Variants in KRTAP13-2 observed in about 807,000 individuals in gnomAD.
KRTAP13-2 encodes keratin-associated protein 13-2.
For synonymous variants in KRTAP13-2, 92 were observed against 87.4 expected (o/e 1.05, Z -0.30); for missense variants, 231 against 212.4 (o/e 1.09, Z -0.55).
Position 30,371,825 on chromosome 21 carries a change from A to G in KRTAP13-2, c.389T>C (p.Leu130Pro). The change falls in exon 1 of 1, where the codon CTG becomes CCG. Residue 130 changes from leucine to proline, a missense_variant. By Grantham distance (98) the Leu-to-Pro change is moderately conservative. Coordinates refer to ENST00000399889, the MANE Select transcript of KRTAP13-2 (RefSeq NM_181621.4). ...VGCGSSGVRSLGYGSCGFPSL... is the reference protein window; with the variant it reads ...VGCGSSGVRSPGYGSCGFPSL... ...AGGGAAGCCACAGCTTCCATAACCC[A>G]GGGATCTGACACCACTGGACCCACA... 6.2e-7 allele frequency: 1 copy of G among 1,614,128 alleles called. No homozygotes were observed. Among genetic ancestry groups the G allele is most frequent in the Non-Finnish European group, 8.5e-7 (1 of 1,179,964 alleles).
Position 30,372,194 on chromosome 21 carries a change from G to C in KRTAP13-2, c.20C>G (p.Ser7Cys), listed in dbSNP as rs143324515. 5.6e-4 allele frequency: 903 copies of C among 1,613,476 alleles called. 10 individuals carry two copies. The African/African-American group carries it at 0.011, about 19-fold the overall frequency. ...ACAGGAGCGGGAGGAGAAGTTTCCA[G>C]AGCAGCAGTTGTAGGACATGTTGAC... MSYNCC[S>C]GNFSSRSCGD... The change falls in exon 1 of 1, where the codon TCT (serine) becomes TGT (cysteine). Residue 7 changes from serine to cysteine, a missense_variant. Coordinates refer to ENST00000399889, the MANE Select transcript of KRTAP13-2 (RefSeq NM_181621.4).
rs1330159352 is a variant in KRTAP13-2, at chr21:30,371,831, C to T, written c.383G>A (p.Arg128Lys). The change falls in exon 1 of 1, where the codon AGA (arginine) becomes AAA (lysine). Residue 128 changes from arginine (R) to lysine (K), a missense_variant. Coordinates refer to ENST00000399889, the MANE Select transcript of KRTAP13-2 (RefSeq NM_181621.4). ...GCCACAGCTTCCATAACCCAGGGAT[C>T]TGACACCACTGGACCCACAGCCCAC... is the stretch of plus-strand genomic sequence containing the variant. ...YSVGCGSSGV[R>K]SLGYGSCGFP... The T allele has an allele frequency of 1.8e-5, 29 of 1,614,004 alleles. No individual in the cohort carries two copies. The highest frequency in any genetic ancestry group is 1.9e-5 in the Non-Finnish European group (22 of 1,179,986).
In KRTAP13-2 at chr21:30,372,056, T is replaced by C. The variant is rs1412441821; in HGVS notation, c.158A>G (p.Tyr53Cys). 6 of 1,614,042 alleles carry C rather than the reference T, an allele frequency of 3.7e-6. No individual in the cohort carries two copies. Among genetic ancestry groups the C allele is most frequent in the African/African-American group, 1.3e-5 (1 of 74,998 alleles). Residue 53 changes from tyrosine to cysteine, a missense_variant, in exon 1 of 1, where the codon TAT becomes TGT. By Grantham distance (194) the Tyr-to-Cys change is radical. Transcript: ENST00000399889. ...PSTCQLGSSLYRGCQEICWEP... is the reference protein window; with the variant it reads ...PSTCQLGSSLCRGCQEICWEP... ...CCAGCAGATCTCCTGACAGCCCCTA[T>C]AGAGAGAGGAACCCAGCTGGCAGGT...
Position 30,371,535 on chromosome 21 carries a change from G to T in KRTAP13-2, c.*151C>A, listed in dbSNP as rs1210173346. The T allele has an allele frequency of 2.8e-6, 2 of 723,782 alleles. No homozygotes were observed. Among genetic ancestry groups the T allele is most frequent in the Admixed American group, 5.8e-5 (2 of 34,316 alleles). The allele number at this position is 723,782 out of a possible 1,614,324, so 44.8% of individuals were successfully genotyped here. A position where few individuals can be genotyped will look rare whatever the true frequency, so the allele number is the denominator to read the frequency against. The stretch of plus-strand genomic sequence containing the variant: ...ATTTTGCTCATTCATTAATTTCACA[G>T]TCTGAAAGAACTAGCCTGTCCAGCC... On this transcript the variant is annotated 3_prime_UTR_variant, in exon 1 of 1. Coordinates refer to ENST00000399889, the MANE Select transcript of KRTAP13-2 (RefSeq NM_181621.4).
In KRTAP13-2 at chr21:30,372,268, G is replaced by A; in HGVS notation, c.-55C>T. 1 of 1,563,870 alleles carries A rather than the reference G, an allele frequency of 6.4e-7. No homozygotes were observed. Among genetic ancestry groups the A allele is most frequent in the Non-Finnish European group, 8.7e-7 (1 of 1,151,244 alleles). ...TATAGTGGAAAGATTCTCTGAGTTT[G>A]AATGTCATAGTCTGGACTCCAAGTT... On this transcript the variant is annotated 5_prime_UTR_variant, in exon 1 of 1. Coordinates refer to ENST00000399889, the MANE Select transcript of KRTAP13-2 (RefSeq NM_181621.4).
chr21:30,371,986 G>T, the KRTAP13-2 span: 2 of 1,614,010 alleles, frequency 1.2e-6, no homozygotes, highest in Admixed American at 3.3e-5. Context: ...AGGAGGTCTG[G>T]CAGGGGCTGG....
chr21:30,371,555 C>T lies in KRTAP13-2; in HGVS notation c.*131G>A. ...TCACAGTCTGAAAGAACTAGCCTGT[C>T]CAGCCAGTACTTGATGCCAGAGAAA... is the stretch of plus-strand genomic sequence containing the variant. On this transcript the variant is annotated 3_prime_UTR_variant, in exon 1 of 1. Transcript: ENST00000399889. 1.1e-6 allele frequency: 1 copy of T among 869,720 alleles called. No homozygotes were observed. Among genetic ancestry groups the T allele is most frequent in the South Asian group, 1.8e-5 (1 of 56,816 alleles). 53.9% of individuals were successfully genotyped at this position (869,720 alleles called of 1,614,324 possible).
rs767323152 is a variant in KRTAP13-2 at position 30,372,197 on chromosome 21, C to T, written c.17G>A (p.Cys6Tyr). The T allele has an allele frequency of 2.5e-6, 4 of 1,613,132 alleles. No individual in the cohort carries two copies. In the Admixed American group the frequency reaches 5.0e-5, roughly 20 times the overall value. MSYNCCSGNFSSRSCG... is the reference protein window; with the variant it reads MSYNCYSGNFSSRSCG... ...GGAGCGGGAGGAGAAGTTTCCAGAGCAGCAGTTGTAGGACATGTTGACGGG... is the reference window on the plus strand; with the variant it reads ...GGAGCGGGAGGAGAAGTTTCCAGAGTAGCAGTTGTAGGACATGTTGACGGG... Residue 6 changes from cysteine to tyrosine, a missense_variant, in exon 1 of 1, where the codon TGC becomes TAC. Physicochemically the swap from Cys to Tyr is radical, Grantham distance 194. Coordinates refer to ENST00000399889, the MANE Select transcript of KRTAP13-2 (RefSeq NM_181621.4).
rs372468472 is a variant in KRTAP13-2, at chr21:30,371,647, C to G, written c.*39G>C. 1 of 1,585,928 alleles carries G rather than the reference C, an allele frequency of 6.3e-7. No individual in the cohort carries two copies. Among genetic ancestry groups the G allele is most frequent in the South Asian group, 1.2e-5 (1 of 86,362 alleles). On this transcript the variant is annotated 3_prime_UTR_variant, in exon 1 of 1. Transcript: ENST00000399889. ...GGAAATGCCTATGATAACAGCTCTACGTAGAGACTGAGACACTTTGCTTAA... is the reference window on the plus strand; with the variant it reads ...GGAAATGCCTATGATAACAGCTCTAGGTAGAGACTGAGACACTTTGCTTAA...
rs1982923106 is a variant in KRTAP13-2 at position 30,372,135 on chromosome 21, C to A, written c.79G>T (p.Gly27Cys). Residue 27 changes from glycine (G) to cysteine (C), a missense_variant, in exon 1 of 1, where the codon GGC becomes TGC. By Grantham distance (159) the Gly-to-Cys change is radical. Coordinates refer to ENST00000399889, the MANE Select transcript of KRTAP13-2 (RefSeq NM_181621.4). The part of the protein sequence containing the change: ...DYLRYPASSR[G>C]FSYPSNLVYS... ...ACCAGATTGCTGGGGTAGGAAAAGCCACGTGAGGATGCTGGGTAGCGCAGG... is the reference window on the plus strand; with the variant it reads ...ACCAGATTGCTGGGGTAGGAAAAGCAACGTGAGGATGCTGGGTAGCGCAGG... The A allele has an allele frequency of 6.2e-7, 1 of 1,614,114 alleles. No homozygotes were observed. Among genetic ancestry groups the A allele is most frequent in the Non-Finnish European group, 8.5e-7 (1 of 1,180,012 alleles).
At position 30,372,171 on chromosome 21, in the gene KRTAP13-2, A is replaced by G. The variant is rs747976340; in HGVS notation, c.43T>C (p.Cys15Arg). 1.9e-5 allele frequency: 31 copies of G among 1,613,868 alleles called. No homozygotes were observed. The highest frequency in any genetic ancestry group is 2.5e-5 in the Non-Finnish European group (30 of 1,179,900). ...CCSGNFSSRS[C>R]GDYLRYPASS... ...GCTGGGTAGCGCAGGTAGTCACCAC[A>G]GGAGCGGGAGGAGAAGTTTCCAGAG... The change falls in exon 1 of 1, where the codon TGT (cysteine) becomes CGT (arginine). Residue 15 changes from cysteine to arginine, a missense_variant. Coordinates refer to ENST00000399889, the MANE Select transcript of KRTAP13-2 (RefSeq NM_181621.4).
Position 30,371,887 on chromosome 21 carries a change from G to C in KRTAP13-2, c.327C>G (p.Ser109=). Residue 109 remains serine, a synonymous_variant, in exon 1 of 1, where the codon TCC becomes TCG. Transcript: ENST00000399889. ...SLGFGSSSCR[S]LGYGSRSCYS... ...AGCAGCTCCTCGATCCATAGCCCAG[G>C]GAGCGGCAGCTGCTGGATCCAAAGC... is the stretch of plus-strand genomic sequence containing the variant. 1 of 1,614,150 alleles carries C rather than the reference G, an allele frequency of 6.2e-7. No individual in the cohort carries two copies. The highest frequency in any genetic ancestry group is 2.2e-5 in the East Asian group (1 of 44,882).
chr21:30,371,932 C>T lies in KRTAP13-2; in HGVS notation c.282G>A (p.Thr94=), dbSNP rs1486045736. The change falls in exon 1 of 1, where the codon ACG becomes ACA. Residue 94 remains threonine, a synonymous_variant. Transcript: ENST00000399889. ...RTSLLCSPCK[T]TYSGSLGFGS... ...CAAAGCCTAGAGACCCAGAGTAAGT[C>T]GTCTTGCAAGGACTGCAGAGCAAGG... is the stretch of plus-strand genomic sequence containing the variant. 6 of 1,614,044 alleles carry T rather than the reference C, an allele frequency of 3.7e-6. No homozygotes were observed. Among genetic ancestry groups the T allele is most frequent in the East Asian group, 4.5e-5 (2 of 44,894 alleles).
rs778482431 is a variant in KRTAP13-2 at position 30,371,994 on chromosome 21, T to C, written c.220A>G (p.Ser74Gly). 1 of 1,614,050 alleles carries C rather than the reference T, an allele frequency of 6.2e-7. No homozygotes were observed. The highest frequency in any genetic ancestry group is 1.1e-5 in the South Asian group (1 of 91,072). ...TSCQTSYVESSPCQTSCYRPR... is the reference protein window; with the variant it reads ...TSCQTSYVESGPCQTSCYRPR... Reference sequence around the variant, plus strand: ...CGGTAGCAGGAGGTCTGGCAGGGGCTGGACTCCACATAGGACGTCTGGCAG... The same window carrying C: ...CGGTAGCAGGAGGTCTGGCAGGGGCCGGACTCCACATAGGACGTCTGGCAG... Residue 74 changes from serine (S) to glycine (G), a missense_variant, in exon 1 of 1, where the codon AGC becomes GGC. Transcript: ENST00000399889.
chr21:30,372,114 G>T lies in KRTAP13-2; in HGVS notation c.100C>A (p.Leu34Met). ...GAGCAGAGGTCAGTGCTGTAGACCA[G>T]ATTGCTGGGGTAGGAAAAGCCACGT... Reference protein sequence around the residue: ...SSRGFSYPSNLVYSTDLCSPS... With the variant: ...SSRGFSYPSNMVYSTDLCSPS... The change falls in exon 1 of 1, where the codon CTG (leucine) becomes ATG (methionine). Residue 34 changes from leucine (L) to methionine (M), a missense_variant. By Grantham distance (15) the Leu-to-Met change is conservative. Coordinates refer to ENST00000399889, the MANE Select transcript of KRTAP13-2 (RefSeq NM_181621.4). 1.2e-6 allele frequency: 2 copies of T among 1,614,200 alleles called. No homozygotes were observed. Among genetic ancestry groups the T allele is most frequent in the Non-Finnish European group, 1.7e-6 (2 of 1,180,040 alleles).
Position 30,371,416 on chromosome 21 carries a change from T to C in KRTAP13-2, c.*270A>G, listed in dbSNP as rs544865267. The C allele has an allele frequency of 2.7e-6, 1 of 363,978 alleles. No homozygotes were observed. Among genetic ancestry groups the C allele is most frequent in the South Asian group, 4.7e-5 (1 of 21,070 alleles). The allele number at this position is 363,978 out of a possible 1,614,324, so 22.5% of individuals were successfully genotyped here. ...TGGAATCAACAGTAAATGAATTTAT[T>C]ACGTGAAACAAAACTGAACTTCCAT... is the stretch of plus-strand genomic sequence containing the variant. On this transcript the variant is annotated 3_prime_UTR_variant, in exon 1 of 1. Coordinates refer to ENST00000399889, the MANE Select transcript of KRTAP13-2 (RefSeq NM_181621.4).
rs1259030476 is a variant in KRTAP13-2 at position 30,371,987 on chromosome 21, C to A, written c.227G>T (p.Cys76Phe). Residue 76 changes from cysteine (C) to phenylalanine (F), a missense_variant, in exon 1 of 1, where the codon TGC (cysteine) becomes TTC (phenylalanine). Coordinates refer to ENST00000399889, the MANE Select transcript of KRTAP13-2 (RefSeq NM_181621.4). Reference sequence around the variant, plus strand: ...TCTGGGGCGGTAGCAGGAGGTCTGGCAGGGGCTGGACTCCACATAGGACGT... The same window carrying A: ...TCTGGGGCGGTAGCAGGAGGTCTGGAAGGGGCTGGACTCCACATAGGACGT... The part of the protein sequence containing the change: ...CQTSYVESSP[C>F]QTSCYRPRTS... 3.7e-6 allele frequency: 6 copies of A among 1,613,996 alleles called. No individual in the cohort carries two copies. The East Asian group carries it at 1.3e-4, about 36-fold the overall frequency.
At chr21:30,371,807 CCACA>C in the KRTAP13-2 span, 4 of 1,614,060 alleles carry the variant, frequency 2.5e-6, no homozygotes, top group Admixed American at 3.3e-5. Flanking sequence ...GGAAGGGAAG[CCACA>C]GCTTCCATAA....
rs983353845 is a variant in KRTAP13-2, at chr21:30,371,785, T to G, written c.429A>C (p.Gly143=). 6.2e-7 allele frequency: 1 copy of G among 1,613,834 alleles called. No individual in the cohort carries two copies. Among genetic ancestry groups the G allele is most frequent in the African/African-American group, 1.3e-5 (1 of 74,882 alleles). The change falls in exon 1 of 1, where the codon GGA becomes GGC. Residue 143 remains glycine (G), a synonymous_variant. Coordinates refer to ENST00000399889, the MANE Select transcript of KRTAP13-2 (RefSeq NM_181621.4). ...GSCGFPSLGY[G]SGFCRPTYLA... is the part of the protein sequence containing the mutation. The stretch of plus-strand genomic sequence containing the variant: ...AGTAGGTTGGGCGGCAGAATCCAGA[T>G]CCATAGCCGAGGGAAGGGAAGCCAC...
Sources: allele counts gnomAD v4.1 joint callset, GRCh38; gene constraint gnomAD v4.1.1; transcripts MANE v1.5; gene names NCBI Gene and HGNC (gene_info 2026-07-23, HGNC 2026-07-21).